The following AKR1C8 variants were observed in gnomAD, a reference collection of about 807,000 sequenced individuals.
AKR1C8 encodes aldo-keto reductase family 1 member C-like protein 1.
chr10:5,131,935 A>G, the AKR1C8 span, among the ~76,000 whole-genome samples: 5 of 152,138 alleles, frequency 3.3e-5, no homozygotes, highest in Admixed American at 2.6e-4. Context: ...AAACCAACCT[A>G]AGAGTCCGTT....
the AKR1C8 span, chr10:5,160,664 A>C: frequency 1.9e-5 from 7 of 363,638 alleles, no homozygotes; most frequent in Non-Finnish European, 3.8e-5. Context: ...CCACTCTCTC[A>C]CTTCACAGAT....
At chr10:5,145,011 C>T in the AKR1C8 span, among the ~76,000 whole-genome samples, 251 of 151,598 alleles carry the variant, frequency 1.7e-3, 2 homozygotes, top group Admixed American at 5.7e-3. Flanking sequence ...GTGGGTTTGT[C>T]ATAGATAGCT....
At chr10:5,165,229 A>G in the AKR1C8 span, among the ~76,000 whole-genome samples, 407 of 152,258 alleles carry the variant, frequency 2.7e-3, 4 homozygotes, top group African/African-American at 8.7e-3. Flanking sequence ...CCACTGCCCA[A>G]TGAATTTTAA....
the AKR1C8 span, among the ~76,000 whole-genome samples, chr10:5,177,379 G>C: frequency 6.6e-6 from 1 of 152,012 alleles, no homozygotes; most frequent in African/African-American, 2.4e-5. Context: ...GATTCGGTTT[G>C]CCAGTATTTT....
chr10:5,125,868 G>C, the AKR1C8 span, among the ~76,000 whole-genome samples: 1 of 152,122 alleles, frequency 6.6e-6, no homozygotes, highest in Non-Finnish European at 1.5e-5. Context: ...CCCAGAGTTG[G>C]GCAACCCCAC....
At chr10:5,118,637 G>A in the AKR1C8 span, among the ~76,000 whole-genome samples, 42,871 of 151,840 alleles carry the variant, frequency 0.28, 6,802 homozygotes, top group Non-Finnish European at 0.36. Context: ...CATATAAGAG[G>A]GCGAGAGAAG....
chr10:5,121,386 G>C, the AKR1C8 span, among the ~76,000 whole-genome samples: 1 of 152,104 alleles, frequency 6.6e-6, no homozygotes, highest in Non-Finnish European at 1.5e-5. Flanking sequence ...AGGCCATAGG[G>C]GACACCTCAG....
At chr10:5,133,642 C>T in the AKR1C8 span, among the ~76,000 whole-genome samples, 4 of 152,146 alleles carry the variant, frequency 2.6e-5, no homozygotes, top group African/African-American at 9.7e-5. Context: ...GTACCACACA[C>T]AAAACTCCAA....
At chr10:5,174,592 A>G in the AKR1C8 span, among the ~76,000 whole-genome samples, 2 of 152,026 alleles carry the variant, frequency 1.3e-5, no homozygotes, top group Non-Finnish European at 1.5e-5. Flanking sequence ...CTCTAACTAT[A>G]CTAGAAAAAC....
At chr10:5,121,274 T>C in the AKR1C8 span, among the ~76,000 whole-genome samples, 38 of 152,272 alleles carry the variant, frequency 2.5e-4, no homozygotes, top group Admixed American at 1.0e-3. Context: ...TTAAGGGATG[T>C]TGGGTTCCCC....
the AKR1C8 span, among the ~76,000 whole-genome samples, chr10:5,160,322 GGA>G: frequency 6.6e-6 from 1 of 152,026 alleles, no homozygotes; most frequent in African/African-American, 2.4e-5. Context: ...CATAAGCAAA[GGA>G]GACTCTTGGG....
chr10:5,174,910 A>T, the AKR1C8 span, among the ~76,000 whole-genome samples: 4 of 152,134 alleles, frequency 2.6e-5, no homozygotes, highest in Admixed American at 1.3e-4. Flanking sequence ...TAACTAAATT[A>T]AAAAATATTA....
the AKR1C8 span, among the ~76,000 whole-genome samples, chr10:5,163,316 T>G: frequency 6.6e-6 from 1 of 152,338 alleles, no homozygotes; most frequent in Non-Finnish European, 1.5e-5. Context: ...TTATACTTAC[T>G]GGATAAAATG....
At chr10:5,137,197 C>G in the AKR1C8 span, among the ~76,000 whole-genome samples, 1 of 152,092 alleles carries the variant, frequency 6.6e-6, no homozygotes, top group African/African-American at 2.4e-5. Flanking sequence ...TCCAAGATGG[C>G]TGAATATGAA....
the AKR1C8 span, among the ~76,000 whole-genome samples, chr10:5,130,241 C>G: frequency 1.3e-5 from 2 of 151,808 alleles, no homozygotes; most frequent in African/African-American, 4.8e-5. Context: ...TTAAAACCCT[C>G]AACAAACTAG....
chr10:5,165,034 G>T, the AKR1C8 span, among the ~76,000 whole-genome samples: 1 of 152,058 alleles, frequency 6.6e-6, no homozygotes, highest in Non-Finnish European at 1.5e-5. Context: ...ATTCAAATAG[G>T]TACTGATTTT....
chr10:5,184,969 T>C, the AKR1C8 span: 10 of 532,276 alleles, frequency 1.9e-5, no homozygotes, highest in Non-Finnish European at 3.1e-5. Flanking sequence ...GCCCTGCAAG[T>C]ACAGCTGACC....
At chr10:5,170,946 G>A in the AKR1C8 span, among the ~76,000 whole-genome samples, 9 of 152,088 alleles carry the variant, frequency 5.9e-5, no homozygotes, top group Non-Finnish European at 1.3e-4. Flanking sequence ...GTTTATGGGA[G>A]TAAACTAAAT....
the AKR1C8 span, among the ~76,000 whole-genome samples, chr10:5,129,158 A>C: frequency 6.6e-6 from 1 of 152,116 alleles, no homozygotes; most frequent in Non-Finnish European, 1.5e-5. Context: ...CATGGAAATT[A>C]AATAATCTGC....
Sources: gnomAD v4.1 joint callset for allele counts (sites outside exome capture counted in the v4.1 genomes callset) on GRCh38, gnomAD v4.1.1 for gene constraint, MANE v1.5 for transcripts, NCBI Gene and HGNC (gene_info 2026-07-23, HGNC 2026-07-21) for gene names.